The following RABGAP1L variants were observed in gnomAD, a reference collection of about 807,000 sequenced individuals.
RABGAP1L encodes the protein RAB GTPase activating protein 1 like.
Under a neutral mutation model 137.7 loss-of-function variants are expected in RABGAP1L, and 63 were observed. That is an observed-to-expected ratio of 0.46 (90% CI 0.37 to 0.56). RABGAP1L has a LOEUF of 0.56. Ranked by LOEUF, RABGAP1L falls within the 20% of genes least tolerant of loss-of-function variation. The pLI, the probability that RABGAP1L is intolerant of heterozygous loss-of-function variation, is 0.00. For missense variants in RABGAP1L, 1,095 were observed against 1,244.0 expected, an observed-to-expected ratio of 0.88 and a Z score of 1.80; for synonymous variants, 431 against 433.7, an observed-to-expected ratio of 0.99 and a Z score of 0.08.
intron 13 of RABGAP1L, among the ~76,000 whole-genome samples, chr1:174,616,675 G>A (rs561477050): frequency 6.6e-6 from 1 of 152,342 alleles, no homozygotes; most frequent in African/African-American, 2.4e-5. Flanking sequence ...AGTGATGGGA[G>A]TGGAAGTTCA....
chr1:174,464,990 C>T (rs1204119531), intron 13 of RABGAP1L, among the ~76,000 whole-genome samples: 2 of 151,916 alleles, frequency 1.3e-5, no homozygotes, highest in African/African-American at 4.8e-5. Context: ...ATTAATGAGC[C>T]CCAAAATCTT....
chr1:174,307,198 G>A (rs1678360337), intron 11 of RABGAP1L, among the ~76,000 whole-genome samples: 1 of 152,086 alleles, frequency 6.6e-6, no homozygotes, highest in Non-Finnish European at 1.5e-5. Flanking sequence ...CTGAGTCCAG[G>A]CTATCTGACT....
intron 13 of RABGAP1L, among the ~76,000 whole-genome samples, chr1:174,488,632 T>G (rs1659907116): frequency 6.6e-6 from 1 of 152,136 alleles, no homozygotes; most frequent in South Asian, 2.1e-4. Flanking sequence ...CTTATCTCAT[T>G]CTCTACATTT....
chr1:174,333,657 A>G (rs1681228509), intron 11 of RABGAP1L, among the ~76,000 whole-genome samples: 1 of 152,158 alleles, frequency 6.6e-6, no homozygotes. Context: ...TATGTCTATC[A>G]TATTTTAGCC....
intron 1 of RABGAP1L, among the ~76,000 whole-genome samples, chr1:174,183,664 A>G (rs1666563224): frequency 6.6e-6 from 1 of 152,144 alleles, no homozygotes; most frequent in Non-Finnish European, 1.5e-5. Flanking sequence ...TATTGATGTT[A>G]TACATTCTAT....
At chr1:174,322,574 A>C (rs570432595) in intron 11 of RABGAP1L, among the ~76,000 whole-genome samples, 1 of 152,276 alleles carries the variant, frequency 6.6e-6, no homozygotes, top group African/African-American at 2.4e-5. Context: ...TTTGCCAGAG[A>C]GAGCAACCCA....
chr1:174,539,103 T>G (rs1324005255), intron 13 of RABGAP1L, among the ~76,000 whole-genome samples: 2 of 152,262 alleles, frequency 1.3e-5, no homozygotes, highest in Non-Finnish European at 2.9e-5. Context: ...ATTTACAGTA[T>G]AGTTTTCAAG....
chr1:174,657,613 A>G (rs1676057831), intron 14 of RABGAP1L, among the ~76,000 whole-genome samples: 1 of 152,148 alleles, frequency 6.6e-6, no homozygotes, highest in African/African-American at 2.4e-5. Flanking sequence ...TTTGGTATAT[A>G]TACCACATTT....
intron 19 of RABGAP1L, among the ~76,000 whole-genome samples, chr1:174,900,212 C>T (rs1366368661): frequency 6.6e-6 from 1 of 152,146 alleles, no homozygotes; most frequent in East Asian, 1.9e-4. Context: ...ACAAAATGCA[C>T]ACACAACGTG....
intron 13 of RABGAP1L, among the ~76,000 whole-genome samples, chr1:174,479,878 A>G (rs1170889710): frequency 6.6e-6 from 1 of 152,138 alleles, no homozygotes; most frequent in Non-Finnish European, 1.5e-5. Context: ...GATTCTGACT[A>G]GGATATTTAC....
At chr1:174,364,211 CTTA>C (rs935817641) in intron 11 of RABGAP1L, among the ~76,000 whole-genome samples, 5 of 108,540 alleles carry the variant, frequency 4.6e-5, no homozygotes, top group African/African-American at 6.9e-5. Flanking sequence ...GATCTTGTTA[CTTA>C]TTATTGTTCT....
intron 12 of RABGAP1L, among the ~76,000 whole-genome samples, chr1:174,380,367 C>T (rs1386481430): frequency 3.3e-5 from 5 of 151,930 alleles, no homozygotes; most frequent in South Asian, 2.1e-4. Flanking sequence ...GGAATGGTAC[C>T]GGTTCCTCCT....
chr1:174,493,387 C>T (rs6425282), intron 13 of RABGAP1L, among the ~76,000 whole-genome samples: 87,767 of 151,012 alleles, frequency 0.58, 27,817 homozygotes, highest in African/African-American at 0.85. Flanking sequence ...TAGAATAACA[C>T]TCATGAAATT....
chr1:174,793,018 G>A (rs1573220625), intron 18 of RABGAP1L, among the ~76,000 whole-genome samples: 1 of 152,100 alleles, frequency 6.6e-6, no homozygotes, highest in East Asian at 1.9e-4. Flanking sequence ...TGTAATCCCG[G>A]CTACTTGGGA....
At chr1:174,645,421 A>G (rs542926997) in intron 14 of RABGAP1L, among the ~76,000 whole-genome samples, 151 of 111,898 alleles carry the variant, frequency 1.3e-3, no homozygotes, top group African/African-American at 4.3e-3. Flanking sequence ...CCAGTGTGTG[A>G]TGTTCCCCTC....
intron 18 of RABGAP1L, among the ~76,000 whole-genome samples, chr1:174,790,426 C>T (rs1055046383): frequency 6.6e-5 from 10 of 151,980 alleles, no homozygotes; most frequent in African/African-American, 2.4e-4. Context: ...GAGTTCGAGA[C>T]CAGCCTGACC....
intron 19 of RABGAP1L, among the ~76,000 whole-genome samples, chr1:174,945,197 TC>T (rs903237260): frequency 1.3e-5 from 2 of 152,220 alleles, no homozygotes; most frequent in African/African-American, 2.4e-5. Flanking sequence ...TTTATTCTAC[TC>T]CCTGGAATCA....
At chr1:174,783,707 CTTTTTTTTT>C (rs34367315) in intron 18 of RABGAP1L, among the ~76,000 whole-genome samples, 4 of 102,476 alleles carry the variant, frequency 3.9e-5, no homozygotes, top group East Asian at 5.5e-4. Flanking sequence ...TCTTCTTCTT[CTTTTTTTTT>C]TTTTTTTTTT....
chr1:174,747,402 T>TAAAAAAAA (rs35889834), intron 17 of RABGAP1L, among the ~76,000 whole-genome samples: 1 of 81,904 alleles, frequency 1.2e-5, no homozygotes, highest in African/African-American at 4.4e-5. Context: ...ATTCTATCTC[T>TAAAAAAAA]AAAAAAAAAA....
Sources: allele counts gnomAD v4.1 joint callset (sites outside exome capture counted in the v4.1 genomes callset), GRCh38; gene constraint gnomAD v4.1.1; transcripts MANE v1.5; gene names NCBI Gene and HGNC (gene_info 2026-07-23, HGNC 2026-07-21).